The following SHOX2 variants were observed in gnomAD, a reference collection of about 807,000 sequenced individuals.
SHOX2 encodes short stature homeobox protein 2.
In SHOX2, 13 loss-of-function variants were observed where a neutral mutation model predicts 31.3. That is an observed-to-expected ratio of 0.42 (90% CI 0.27 to 0.66). The LOEUF (loss-of-function observed/expected upper bound fraction) is 0.66, where lower values mean the gene tolerates loss of function less well. Ranked by LOEUF, SHOX2 falls within the 30% of genes least tolerant of loss-of-function variation. The probability of loss-of-function intolerance (pLI) is 0.27; values close to 1 mark genes in which losing one functional copy is unlikely to be tolerated. For synonymous variants in SHOX2, 244 were observed against 196.2 expected, an observed-to-expected ratio of 1.24 and a Z score of -2.04; for missense variants, 473 against 443.0, an observed-to-expected ratio of 1.07 and a Z score of -0.61.
Position 158,098,080 on chromosome 3 carries a change from T to C in SHOX2, c.907A>G (p.Ile303Val). The C allele has an allele frequency of 6.2e-7, 1 of 1,612,272 alleles. No individual in the cohort carries two copies. Among genetic ancestry groups the C allele is most frequent in the Non-Finnish European group, 8.5e-7 (1 of 1,178,872 alleles). The change falls in exon 5 of 5, where the codon ATC becomes GTC. Residue 303 changes from isoleucine to valine, a missense_variant. This residue lies in a region of SHOX2 where 182 missense variants were observed against 167.2 expected (regional missense o/e 1.09). Coordinates refer to ENST00000483851, the MANE Select transcript of SHOX2 (RefSeq NM_001163678.2). Reference protein sequence around the residue: ...AAKTTSKNSSIADLRLKAKKH... With the variant: ...AAKTTSKNSSVADLRLKAKKH... Reference sequence around the variant, plus strand: ...TTGGCTTTCAGTCTGAGATCGGCGATGCTGGAGTTCTTGCTGGTGGTCTTG... The same window carrying C: ...TTGGCTTTCAGTCTGAGATCGGCGACGCTGGAGTTCTTGCTGGTGGTCTTG...
At chr3:158,102,642 G>A (rs1223244836) in intron 2 of SHOX2, 36 bp downstream of exon 2, 1 of 1,580,222 alleles carries the variant, frequency 6.3e-7, no homozygotes. Flanking sequence ...GGCTCTCTCT[G>A]CTCCCTGGGC....
Position 158,096,930 on chromosome 3 carries a change from A to ATATATGTG in SHOX2, c.*1096_*1097insCACATATA, listed in dbSNP as rs67436323. The ATATATGTG allele has an allele frequency of 9.8e-6, 1 of 102,180 alleles. No homozygotes were observed. Among genetic ancestry groups the ATATATGTG allele is most frequent in the Admixed American group, 1.2e-4 (1 of 8,262 alleles). 6.3% of individuals were successfully genotyped at this position (102,180 alleles called of 1,614,324 possible). ...TATATATATATATATATATATATAT[A>ATATATGTG]TGGCAAATATATGATATATATATAT... On this transcript the variant is annotated 3_prime_UTR_variant, in exon 5 of 5. Coordinates refer to ENST00000483851, the MANE Select transcript of SHOX2 (RefSeq NM_001163678.2).
At chr3:158,100,108 A>C (rs1713399297) in intron 3 of SHOX2, 146 bp downstream of exon 3, 1 of 902,786 alleles carries the variant, frequency 1.1e-6, no homozygotes, top group Non-Finnish European at 1.7e-6. Flanking sequence ...CCCAAACTTT[A>C]GGACTCCATT....
chr3:158,105,766 C>T lies in SHOX2; in HGVS notation c.259G>A (p.Ala87Thr). 1 of 1,520,428 alleles carries T rather than the reference C, an allele frequency of 6.6e-7. No individual in the cohort carries two copies. Among genetic ancestry groups the T allele is most frequent in the Non-Finnish European group, 8.8e-7 (1 of 1,135,222 alleles). 94.2% of individuals were successfully genotyped at this position (1,520,428 alleles called of 1,614,324 possible). Residue 87 changes from alanine (A) to threonine (T), a missense_variant, in exon 1 of 5, where the codon GCT (alanine) becomes ACT (threonine). By Grantham distance (58) the Ala-to-Thr change is moderately conservative. Transcript: ENST00000483851. ...GVGGGGAGGG[A>T]GGGRSPVREL... ...CGGACGGGAGAGCGCCCTCCTCCAG[C>T]TCCTCCGCCTGCTCCTCCTCCTCCT...
At chr3:158,105,556 G>T in intron 1 of SHOX2, 123 bp downstream of exon 1, 1 of 838,864 alleles carries the variant, frequency 1.2e-6, no homozygotes, top group Non-Finnish European at 1.8e-6. Flanking sequence ...TGACAAAGCT[G>T]GGGTCCAGGG....
intron 2 of SHOX2, among the ~76,000 whole-genome samples, chr3:158,101,324 T>C (rs952323292): frequency 6.6e-6 from 1 of 152,208 alleles, no homozygotes; most frequent in African/African-American, 2.4e-5. Context: ...CAACAGAGGG[T>C]GGATTTTGTG....
In SHOX2 at chr3:158,102,755, C is replaced by T. The variant is rs775951343; in HGVS notation, c.478G>A (p.Asp160Asn). ...EQLNELERLF[D>N]ETHYPDAFMR... Reference sequence around the variant, plus strand: ...AAGGCGTCGGGATAGTGGGTCTCGTCAAAAAGCCTCTCCAGCTCATTGAGT... The same window carrying T: ...AAGGCGTCGGGATAGTGGGTCTCGTTAAAAAGCCTCTCCAGCTCATTGAGT... Residue 160 changes from aspartate (D) to asparagine (N), a missense_variant, in exon 2 of 5, where the codon GAC (aspartate) becomes AAC (asparagine). Transcript: ENST00000483851. 1.2e-6 allele frequency: 2 copies of T among 1,614,098 alleles called. No homozygotes were observed. The highest frequency in any genetic ancestry group is 1.1e-5 in the South Asian group (1 of 91,084).
Position 158,098,156 on chromosome 3 carries a change from C to A in SHOX2, c.831G>T (p.Leu277=). The stretch of plus-strand genomic sequence containing the variant: ...AGGCGGCGGAAGCCGAATCCGCGGC[C>A]AGCGTGGCGAGCGGCAGTCCGAAGG... ...APPFGLPLAT[L]AADSASAASV... The change falls in exon 5 of 5, where the codon CTG becomes CTT. Residue 277 remains leucine, a synonymous_variant. Transcript: ENST00000483851. 6.2e-7 allele frequency: 1 copy of A among 1,613,490 alleles called. No individual in the cohort carries two copies.
At chr3:158,105,049 C>T in intron 1 of SHOX2, 1 of 590,278 alleles carries the variant, frequency 1.7e-6, no homozygotes. Context: ...CCCCCCGCCC[C>T]CAACACACCA....
chr3:158,105,670 G>A lies in SHOX2; in HGVS notation c.346+9C>T, dbSNP rs568676912. 1.2e-5 allele frequency: 18 copies of A among 1,522,394 alleles called. No individual in the cohort carries two copies. The South Asian group carries it at 2.1e-4, about 17-fold the overall frequency. The allele number at this position is 1,522,394 out of a possible 1,614,324, so 94.3% of individuals were successfully genotyped here. On this transcript the variant is annotated intron_variant, in intron 1 of 4. Transcript: ENST00000483851. Reference sequence around the variant, plus strand: ...GGGAACCGCTGCCGGGGGTCAGTCAGGTCGTTACCCTCCGTCAGTCGCGGG... The same window carrying A: ...GGGAACCGCTGCCGGGGGTCAGTCAAGTCGTTACCCTCCGTCAGTCGCGGG...
rs1015584488 is a variant in SHOX2 at position 158,106,235 on chromosome 3, AGAGGAG to A, written c.-217_-212del. On this transcript the variant is annotated 5_prime_UTR_variant, in exon 1 of 5. Coordinates refer to ENST00000483851, the MANE Select transcript of SHOX2 (RefSeq NM_001163678.2). ...AGTAGAAGGAGAAAAAGAAGTAAGA[AGAGGAG>A]GAGGAGGAAGAAGAGGAAGAGGGGG... The A allele has an allele frequency of 5.6e-6, 4 of 714,434 alleles. No homozygotes were observed. The highest frequency in any genetic ancestry group is 6.4e-6 in the Non-Finnish European group (3 of 470,278). 44.3% of individuals were successfully genotyped at this position (714,434 alleles called of 1,614,324 possible). A position where few individuals can be genotyped will look rare whatever the true frequency, so the allele number is the denominator to read the frequency against.
chr3:158,100,307 C>T lies in SHOX2; in HGVS notation c.560G>A (p.Trp187Ter), dbSNP rs764313322. 1 of 1,600,048 alleles carries T rather than the reference C, an allele frequency of 6.2e-7. No homozygotes were observed. Among genetic ancestry groups the T allele is most frequent in the Admixed American group, 1.8e-5 (1 of 56,618 alleles). ...ACATTTAGCTCTTCGATTTTGAAAC[C>T]AAACCTATAGGTTGGAGGGGGAAAA... Reference protein sequence around the residue: ...LGLSEARVQVWFQNRRAKCRK... With the variant: ...LGLSEARVQV Residue 187 changes from tryptophan (W) to a stop codon, truncating the protein, a stop_gained, in exon 3 of 5, where the codon TGG becomes TAG. Coordinates refer to ENST00000483851, the MANE Select transcript of SHOX2 (RefSeq NM_001163678.2). LOFTEE classifies it high-confidence loss of function.
intron 4 of SHOX2, among the ~76,000 whole-genome samples, chr3:158,099,042 A>G (rs913646589): frequency 6.6e-6 from 1 of 151,970 alleles, no homozygotes; most frequent in African/African-American, 2.4e-5. Flanking sequence ...AGATCTCCCT[A>G]ACACCGACTC....
chr3:158,097,912 C>A lies in SHOX2; in HGVS notation c.*115G>T. 7.6e-7 allele frequency: 1 copy of A among 1,320,040 alleles called. No individual in the cohort carries two copies. The highest frequency in any genetic ancestry group is 1.4e-5 in the South Asian group (1 of 70,844). 81.8% of individuals were successfully genotyped at this position (1,320,040 alleles called of 1,614,324 possible). On this transcript the variant is annotated 3_prime_UTR_variant, in exon 5 of 5. Transcript: ENST00000483851. Reference sequence around the variant, plus strand: ...AGGGGACGAGGGATGGTCAGTGAGGCGGGAAGAGGGCCGGCTCCCGAGGTC... The same window carrying A: ...AGGGGACGAGGGATGGTCAGTGAGGAGGGAAGAGGGCCGGCTCCCGAGGTC...
chr3:158,105,754 G>T lies in SHOX2; in HGVS notation c.271C>A (p.Arg91Ser). 2 of 1,519,714 alleles carry T rather than the reference G, an allele frequency of 1.3e-6. No individual in the cohort carries two copies. Among genetic ancestry groups the T allele is most frequent in the South Asian group, 1.2e-5 (1 of 82,380 alleles). 94.1% of individuals were successfully genotyped at this position (1,519,714 alleles called of 1,614,324 possible). A position where few individuals can be genotyped will look rare whatever the true frequency, so the allele number is the denominator to read the frequency against. Residue 91 changes from arginine (R) to serine (S), a missense_variant, in exon 1 of 5, where the codon CGC becomes AGC. By Grantham distance (110) the Arg-to-Ser change is moderately radical. Coordinates refer to ENST00000483851, the MANE Select transcript of SHOX2 (RefSeq NM_001163678.2). ...ATGTCCAGCTCCCGGACGGGAGAGCGCCCTCCTCCAGCTCCTCCGCCTGCT... is the reference window on the plus strand; with the variant it reads ...ATGTCCAGCTCCCGGACGGGAGAGCTCCCTCCTCCAGCTCCTCCGCCTGCT... The part of the protein sequence containing the change: ...GGAGGGAGGG[R>S]SPVRELDMGA...
At chr3:158,104,975 T>C (rs541958479) in intron 1 of SHOX2, 5 of 794,440 alleles carry the variant, frequency 6.3e-6, no homozygotes, top group Non-Finnish European at 1.1e-5. Context: ...AACCGAGTAC[T>C]GGGTGATTGA....
At position 158,106,034 on chromosome 3, in the gene SHOX2, A is replaced by G; in HGVS notation, c.-10T>C. The G allele has an allele frequency of 6.2e-7, 1 of 1,612,238 alleles. No homozygotes were observed. The highest frequency in any genetic ancestry group is 8.5e-7 in the Non-Finnish European group (1 of 1,179,200). ...CCGTAAGTTCTTCCATCGCCGCCGC[A>G]CGTCAGCCCGGCGCTCAACCTCTGC... On this transcript the variant is annotated 5_prime_UTR_variant, in exon 1 of 5. Coordinates refer to ENST00000483851, the MANE Select transcript of SHOX2 (RefSeq NM_001163678.2).
Position 158,102,754 on chromosome 3 carries a change from T to C in SHOX2, c.479A>G (p.Asp160Gly). The C allele has an allele frequency of 6.2e-7, 1 of 1,614,014 alleles. No individual in the cohort carries two copies. The highest frequency in any genetic ancestry group is 8.5e-7 in the Non-Finnish European group (1 of 1,180,026). The change falls in exon 2 of 5, where the codon GAC becomes GGC. Residue 160 changes from aspartate (D) to glycine (G), a missense_variant. Around this residue, in one of 3 missense-constraint regions of SHOX2, gnomAD observed 276 missense variants for 230.0 expected, o/e 1.20. Coordinates refer to ENST00000483851, the MANE Select transcript of SHOX2 (RefSeq NM_001163678.2). Reference sequence around the variant, plus strand: ...GAAGGCGTCGGGATAGTGGGTCTCGTCAAAAAGCCTCTCCAGCTCATTGAG... The same window carrying C: ...GAAGGCGTCGGGATAGTGGGTCTCGCCAAAAAGCCTCTCCAGCTCATTGAG... ...EQLNELERLFDETHYPDAFMR... is the reference protein window; with the variant it reads ...EQLNELERLFGETHYPDAFMR...
rs1286960140 is a variant in SHOX2 at position 158,096,130 on chromosome 3, T to A, written c.*1897A>T. ...CACATTTTGTACTGACAACACGTCA[T>A]GAGATAACATCTTTTGTTTAAAATA... On this transcript the variant is annotated 3_prime_UTR_variant, in exon 5 of 5. Transcript: ENST00000483851. 6.6e-6 allele frequency: 1 copy of A among 152,642 alleles called. No individual in the cohort carries two copies. Among genetic ancestry groups the A allele is most frequent in the Non-Finnish European group, 1.5e-5 (1 of 68,032 alleles). 9.5% of individuals were successfully genotyped at this position (152,642 alleles called of 1,614,324 possible).
Sources: gnomAD v4.1 joint callset for allele counts (sites outside exome capture counted in the v4.1 genomes callset) on GRCh38, gnomAD v4.1.1 for gene constraint, gnomAD v4.1.1 regional missense constraint, MANE v1.5 for transcripts, NCBI Gene and HGNC (gene_info 2026-07-23, HGNC 2026-07-21) for gene names.